The following PCDHGA3 variants were observed in gnomAD, a reference collection of about 807,000 sequenced individuals.
The protein encoded by PCDHGA3 is protocadherin gamma subfamily A, 3, also known as protocadherin gamma-A3.
In PCDHGA3, 40 loss-of-function variants were observed where a neutral mutation model predicts 58.5. The observed-to-expected ratio is 0.68, with a 90% CI of 0.53 to 0.89. PCDHGA3 has a LOEUF of 0.89. Among genes scored for constraint, PCDHGA3 ranks in the 40% least tolerant of loss-of-function variants. PCDHGA3 has a pLI of 0.00. For synonymous variants in PCDHGA3, 530 were observed against 525.7 expected (o/e 1.01, Z -0.11); for missense variants, 1,223 against 1,195.9 (o/e 1.02, Z -0.33).
intron 1 of PCDHGA3, among the ~76,000 whole-genome samples, chr5:141,436,889 G>T (rs1319754318): frequency 6.6e-6 from 1 of 152,208 alleles, no homozygotes; most frequent in Non-Finnish European, 1.5e-5. Flanking sequence ...ATGGGGGAAA[G>T]ATTTTTATAT....
rs757133043 is a variant in PCDHGA3 at position 141,362,275 on chromosome 5, C to T, written c.2424+15818C>T. 40 of 1,613,924 alleles carry T rather than the reference C, an allele frequency of 2.5e-5. No homozygotes were observed. The highest frequency in any genetic ancestry group is 2.4e-5 in the Non-Finnish European group (28 of 1,179,912). ...CGCGGTGATTCTGGCAATCTCCCTGCGCCTGCGACTCTCTTCCAGGTCAGA... is the reference window on the plus strand; with the variant it reads ...CGCGGTGATTCTGGCAATCTCCCTGTGCCTGCGACTCTCTTCCAGGTCAGA... On this transcript the variant is annotated intron_variant, in intron 1 of 3. Transcript: ENST00000253812.
chr5:141,371,116 T>C, intron 1 of PCDHGA3: 1 of 1,613,914 alleles, frequency 6.2e-7, no homozygotes, highest in Non-Finnish European at 8.5e-7. Context: ...AACCCCCCAG[T>C]ATTTACTCAG....
chr5:141,482,472 CTG>C (rs2099561247), intron 1 of PCDHGA3, among the ~76,000 whole-genome samples: 2 of 136,856 alleles, frequency 1.5e-5, no homozygotes, highest in Non-Finnish European at 3.0e-5. Context: ...GTGCCAGACA[CTG>C]TAAACAATTA....
At chr5:141,410,903 G>C (rs191165984) in intron 1 of PCDHGA3, 2 of 276,978 alleles carry the variant, frequency 7.2e-6, no homozygotes, top group South Asian at 4.9e-5. Context: ...GCCTAGGCTG[G>C]AGTGCAGTGG....
intron 1 of PCDHGA3, chr5:141,428,035 A>C (rs776717344): frequency 6.2e-7 from 1 of 1,607,926 alleles, no homozygotes; most frequent in Non-Finnish European, 8.5e-7. Context: ...GAGTCCGGCT[A>C]CCTGGTGACC....
rs1452697214 is a variant in PCDHGA3, at chr5:141,476,552, G to A, written c.2425-18255G>A. ...CCAGGAAATGAAATTGGAGATTAGCGAGGCCGTGGCTCCGGGGACGCGCTT... is the reference window on the plus strand; with the variant it reads ...CCAGGAAATGAAATTGGAGATTAGCAAGGCCGTGGCTCCGGGGACGCGCTT... On this transcript the variant is annotated intron_variant, in intron 1 of 3. Transcript: ENST00000253812. The surrounding 1 kb of genome is among the most constrained non-coding windows in gnomAD (Gnocchi z 7.6). 1 of 1,614,210 alleles carries A rather than the reference G, an allele frequency of 6.2e-7. No homozygotes were observed. Among genetic ancestry groups the A allele is most frequent in the Non-Finnish European group, 8.5e-7 (1 of 1,180,032 alleles).
intron 1 of PCDHGA3, among the ~76,000 whole-genome samples, chr5:141,470,896 T>C (rs1370454369): frequency 6.6e-6 from 1 of 151,980 alleles, no homozygotes; most frequent in Non-Finnish European, 1.5e-5. Context: ...TTTTGTTTTT[T>C]GTAGAGATGG....
intron 1 of PCDHGA3, chr5:141,427,862 C>T (rs748112227): frequency 2.6e-6 from 4 of 1,556,778 alleles, no homozygotes; most frequent in East Asian, 4.5e-5. Context: ...TGTGCGCCTT[C>T]GAGCTCACGA....
chr5:141,427,975 C>T lies in PCDHGA3; in HGVS notation c.2425-66832C>T, dbSNP rs757718263. ...AATGTGCCGCGGGTGCTGTACCCCGCGCTGGGGCCCGATGGCTCCGCACTC... is the reference window on the plus strand; with the variant it reads ...AATGTGCCGCGGGTGCTGTACCCCGTGCTGGGGCCCGATGGCTCCGCACTC... On this transcript the variant is annotated intron_variant, in intron 1 of 3. Transcript: ENST00000253812. The T allele has an allele frequency of 1.9e-6, 3 of 1,594,600 alleles. No individual in the cohort carries two copies. In the South Asian group the frequency reaches 3.3e-5, roughly 18 times the overall value.
At chr5:141,510,917 C>A in intron 3 of PCDHGA3, 30 bp from the exon 4 acceptor site, 2 of 1,613,854 alleles carry the variant, frequency 1.2e-6, no homozygotes, top group Non-Finnish European at 8.5e-7. Flanking sequence ...CTAAGTTTAG[C>A]TCCCACCTGA....
rs1758636666 is a variant in PCDHGA3 at position 141,351,076 on chromosome 5, A to G, written c.2424+4619A>G. 1.9e-6 allele frequency: 3 copies of G among 1,613,906 alleles called. No individual in the cohort carries two copies. In the South Asian group the frequency reaches 3.3e-5, roughly 18 times the overall value. Reference sequence around the variant, plus strand: ...CAGACCAGGATGAGGGCATTAATGCAGAGATCACCTATGCCTTCCTCAATT... The same window carrying G: ...CAGACCAGGATGAGGGCATTAATGCGGAGATCACCTATGCCTTCCTCAATT... On this transcript the variant is annotated intron_variant, in intron 1 of 3. Coordinates refer to ENST00000253812, the MANE Select transcript of PCDHGA3 (RefSeq NM_018916.4).
intron 1 of PCDHGA3, among the ~76,000 whole-genome samples, chr5:141,468,193 C>T (rs2099159672): frequency 6.6e-6 from 1 of 151,600 alleles, no homozygotes; most frequent in Non-Finnish European, 1.5e-5. Flanking sequence ...GGCATGGTGG[C>T]GGGTGCCTGT....
chr5:141,510,280 A>G (rs1218058358), intron 3 of PCDHGA3, among the ~76,000 whole-genome samples: 1 of 151,892 alleles, frequency 6.6e-6, no homozygotes, highest in Non-Finnish European at 1.5e-5. Context: ...CTTAAAAAAA[A>G]AAAAAAAAAA....
rs765972156 is a variant in PCDHGA3, at chr5:141,432,960, G to A, written c.2425-61847G>A. 3.1e-6 allele frequency: 5 copies of A among 1,614,070 alleles called. No individual in the cohort carries two copies. The East Asian group carries it at 6.7e-5, about 22-fold the overall frequency. On this transcript the variant is annotated intron_variant, in intron 1 of 3. Transcript: ENST00000253812. This position sits in a 1 kb window ranked among gnomAD's most constrained non-coding sequence, Gnocchi z 6.0. ...CAGGCTTCAGGAGGCGGCTTGACAG[G>A]AGCGCCGGCGTCGCACTTTGTGGGC...
intron 1 of PCDHGA3, chr5:141,402,790 A>T: frequency 2.1e-6 from 2 of 961,358 alleles, no homozygotes; most frequent in Non-Finnish European, 2.9e-6. Context: ...TTCTGCGGCT[A>T]CACAAAACCC....
chr5:141,359,110 A>G (rs1761121037), intron 1 of PCDHGA3, among the ~76,000 whole-genome samples: 1 of 152,222 alleles, frequency 6.6e-6, no homozygotes, highest in African/African-American at 2.4e-5. Context: ...GTATTCATAG[A>G]AAGTTGTGGT....
intron 1 of PCDHGA3, chr5:141,416,686 T>C (rs1341005031): frequency 6.6e-6 from 1 of 152,244 alleles, no homozygotes; most frequent in African/African-American, 2.4e-5. Flanking sequence ...AGGGAAATTA[T>C]ATAAACAAAG....
At chr5:141,365,347 C>A (rs762446364) in intron 1 of PCDHGA3, 3 of 1,613,946 alleles carry the variant, frequency 1.9e-6, no homozygotes, top group Admixed American at 3.3e-5. Context: ...CAGTACAGGA[C>A]GTGAATGACA....
chr5:141,451,579 A>G (rs1222576609), intron 1 of PCDHGA3, among the ~76,000 whole-genome samples: 1 of 152,084 alleles, frequency 6.6e-6, no homozygotes, highest in Non-Finnish European at 1.5e-5. Flanking sequence ...TTATAAACCT[A>G]ATTTTGAAAG....
Sources: gnomAD v4.1 joint callset for allele counts (sites outside exome capture counted in the v4.1 genomes callset) on GRCh38, gnomAD v4.1.1 for gene constraint, Gnocchi (gnomAD v3.1) non-coding constraint, MANE v1.5 for transcripts, NCBI Gene and HGNC (gene_info 2026-07-23, HGNC 2026-07-21) for gene names.